The following ADD1 variants were observed in gnomAD, a reference collection of about 807,000 sequenced individuals.
The protein encoded by ADD1 is adducin 1.
ADD1 carries 24 observed loss-of-function variants against 80.5 expected under a neutral mutation model. That is an observed-to-expected ratio of 0.30 (90% CI 0.22 to 0.42). The LOEUF (loss-of-function observed/expected upper bound fraction) is 0.42. Among genes scored for constraint, ADD1 ranks in the 10% least tolerant of loss-of-function variants. ADD1 has a pLI of 1.00. For missense variants in ADD1, 948 were observed against 1,019.0 expected, an observed-to-expected ratio of 0.93 and a Z score of 0.95; for synonymous variants, 373 against 393.8, an observed-to-expected ratio of 0.95 and a Z score of 0.63.
At chr4:2,851,005 C>T (rs944467816) in intron 1 of ADD1, among the ~76,000 whole-genome samples, 26 of 152,124 alleles carry the variant, frequency 1.7e-4, no homozygotes, top group African/African-American at 5.6e-4. Flanking sequence ...AATGTTATAA[C>T]GTTAGATTGT....
chr4:2,918,442 A>C (rs971553444), intron 14 of ADD1, among the ~76,000 whole-genome samples: 6 of 152,206 alleles, frequency 3.9e-5, no homozygotes, highest in African/African-American at 1.4e-4. Context: ...CCAAATATAC[A>C]ATCATGTCAT....
intron 1 of ADD1, among the ~76,000 whole-genome samples, chr4:2,863,012 C>T (rs538725318): frequency 1.3e-5 from 2 of 152,192 alleles, no homozygotes; most frequent in East Asian, 3.9e-4. Flanking sequence ...ATAGAGACTT[C>T]TGGAGTGTGG....
chr4:2,904,883 G>A lies in ADD1; in HGVS notation c.1281G>A (p.Ser427=), dbSNP rs367978307. The A allele has an allele frequency of 1.9e-5, 31 of 1,614,030 alleles. No individual in the cohort carries two copies. Among genetic ancestry groups the A allele is most frequent in the Non-Finnish European group, 2.5e-5 (29 of 1,180,030 alleles). The part of the protein sequence containing the change: ...TGYSFASDGD[S]GTCSPLRHSF... ...ACTCCTTTGCTAGTGACGGTGATTC[G>A]GGCACTTGCTCCCCACTCAGACACA... Residue 427 remains serine, a synonymous_variant, in exon 10 of 16, where the codon TCG becomes TCA. Transcript: ENST00000683351.
In ADD1 at chr4:2,875,875, TC is replaced by T. The variant is rs773057587; in HGVS notation, c.-20-20del. ...AGACATTGATTTGAAAACAATAATT[TC>T]TTTTATTTTGATTCTGTAGGAACCT... On this transcript the variant is annotated intron_variant, in intron 1 of 15. Coordinates refer to ENST00000683351, the MANE Select transcript of ADD1 (RefSeq NM_001354761.2). 3.0e-5 allele frequency: 45 copies of T among 1,516,828 alleles called. No individual in the cohort carries two copies. The highest frequency in any genetic ancestry group is 4.0e-5 in the Non-Finnish European group (45 of 1,128,714). The allele number at this position is 1,516,828 out of a possible 1,614,324, so 94.0% of individuals were successfully genotyped here.
chr4:2,907,911 G>T (rs1015606300), intron 11 of ADD1, 67 bp downstream of exon 11: 13 of 1,318,482 alleles, frequency 9.9e-6, no homozygotes, highest in African/African-American at 1.4e-5. Context: ...AGCTGCTTTG[G>T]GGGGAGCGGG....
At chr4:2,908,472 C>G in intron 11 of ADD1, 43 bp from the exon 12 acceptor site, 4 of 1,565,902 alleles carry the variant, frequency 2.6e-6, no homozygotes, top group Non-Finnish European at 3.5e-6. Context: ...GGCAGCATGG[C>G]TGCTCAGGAC....
chr4:2,857,563 G>C (rs544339555), intron 1 of ADD1, among the ~76,000 whole-genome samples: 5 of 152,282 alleles, frequency 3.3e-5, no homozygotes, highest in African/African-American at 1.2e-4. Flanking sequence ...AGCTGAGATT[G>C]TGCCACTGCA....
chr4:2,928,166 A>G lies in ADD1; in HGVS notation c.2048-5A>G, dbSNP rs1260410728. On this transcript the variant is annotated splice_polypyrimidine_tract_variant and splice_region_variant and intron_variant, in intron 15 of 15. Transcript: ENST00000683351. Reference sequence around the variant, plus strand: ...CTTAATCCCATCTCTCACCTCACCCACTAGACCTTGTGCCGGAGCCGACTA... The same window carrying G: ...CTTAATCCCATCTCTCACCTCACCCGCTAGACCTTGTGCCGGAGCCGACTA... 3 of 1,613,786 alleles carry G rather than the reference A, an allele frequency of 1.9e-6. No individual in the cohort carries two copies. The highest frequency in any genetic ancestry group is 2.5e-6 in the Non-Finnish European group (3 of 1,179,858).
chr4:2,928,079 T>A, intron 15 of ADD1, 92 bp from the exon 16 acceptor site: 1 of 1,099,412 alleles, frequency 9.1e-7, no homozygotes, highest in South Asian at 1.4e-5. Flanking sequence ...TAAAATAAAA[T>A]GGCAGTTTCG....
At chr4:2,899,607 A>C in intron 9 of ADD1, 172 bp downstream of exon 9, 1 of 735,086 alleles carries the variant, frequency 1.4e-6, no homozygotes, top group Non-Finnish European at 2.3e-6. Context: ...TTACAATAAA[A>C]TGTAGAGGTG....
In ADD1 at chr4:2,879,789, G is replaced by A. The variant is rs531288203; in HGVS notation, c.196-2109G>A. Reference sequence around the variant, plus strand: ...AAGCGTGCACCACCATACCCAGCTCGCTGCAACCTCCTCCTACTGGCTTCA... The same window carrying A: ...AAGCGTGCACCACCATACCCAGCTCACTGCAACCTCCTCCTACTGGCTTCA... On this transcript the variant is annotated intron_variant, in intron 2 of 15. Coordinates refer to ENST00000683351, the MANE Select transcript of ADD1 (RefSeq NM_001354761.2). Among the ~76,000 whole-genome samples the A allele has an allele frequency of 2.4e-4, 36 of 151,942 alleles. No individual in the cohort carries two copies. The South Asian group carries it at 3.1e-3, about 13-fold the overall frequency.
Position 2,926,319 on chromosome 4 carries a change from A to G in ADD1, c.2047+207A>G. The G allele has an allele frequency of 1.4e-6, 1 of 714,226 alleles. No homozygotes were observed. Among genetic ancestry groups the G allele is most frequent in the East Asian group, 2.7e-5 (1 of 37,058 alleles). The allele number at this position is 714,226 out of a possible 1,614,324, so 44.2% of individuals were successfully genotyped here. On this transcript the variant is annotated intron_variant, in intron 15 of 15. Coordinates refer to ENST00000683351, the MANE Select transcript of ADD1 (RefSeq NM_001354761.2). The surrounding 1 kb of genome is among the most constrained non-coding windows in gnomAD (Gnocchi z 5.0). Reference sequence around the variant, plus strand: ...ATTTGTATGTGAGCTGTGACCAGGTAGGAAGGCCGGCCTCGGGGGTCGGAA... The same window carrying G: ...ATTTGTATGTGAGCTGTGACCAGGTGGGAAGGCCGGCCTCGGGGGTCGGAA...
At chr4:2,851,353 A>G (rs953475451) in intron 1 of ADD1, among the ~76,000 whole-genome samples, 2 of 152,234 alleles carry the variant, frequency 1.3e-5, no homozygotes, top group African/African-American at 4.8e-5. Flanking sequence ...AGGCTGTGGT[A>G]AGCAAACTTA....
intron 14 of ADD1, among the ~76,000 whole-genome samples, chr4:2,923,471 C>T (rs1449111112): frequency 6.6e-6 from 1 of 152,266 alleles, no homozygotes; most frequent in Non-Finnish European, 1.5e-5. Context: ...GCTGCACCCA[C>T]TGTCTAACCA....
intron 1 of ADD1, among the ~76,000 whole-genome samples, chr4:2,851,629 A>G (rs865868105): frequency 6.6e-6 from 1 of 152,248 alleles, no homozygotes; most frequent in Non-Finnish European, 1.5e-5. Flanking sequence ...TTAAAAGGCC[A>G]ACCTTGTTGC....
intron 1 of ADD1, chr4:2,853,214 T>C (rs964651125): frequency 1.3e-5 from 2 of 150,886 alleles, no homozygotes; most frequent in Non-Finnish European, 2.9e-5. Context: ...GTTCAAGCAA[T>C]TCTCCCACCT....
rs144065803 is a variant in ADD1, at chr4:2,910,329, C to G, written c.1791+898C>G. Reference sequence around the variant, plus strand: ...TGGTGTTCCAGTTCCCACATAGAAGCAGGTTTATAGCAAAGATTCTGTATT... The same window carrying G: ...TGGTGTTCCAGTTCCCACATAGAAGGAGGTTTATAGCAAAGATTCTGTATT... On this transcript the variant is annotated intron_variant, in intron 13 of 15. Transcript: ENST00000683351. Among the ~76,000 whole-genome samples, 1,032 of 152,020 alleles carry G rather than the reference C, an allele frequency of 6.8e-3. 7 individuals are homozygous for G. Among genetic ancestry groups the G allele is most frequent in the African/African-American group, 0.022 (924 of 41,452 alleles).
At chr4:2,909,537 T>A (rs1737661231) in intron 13 of ADD1, 106 bp downstream of exon 13, 1 of 782,514 alleles carries the variant, frequency 1.3e-6, no homozygotes, top group African/African-American at 1.8e-5. Flanking sequence ...TGAAGTAGCT[T>A]CAAATGGATC....
chr4:2,913,722 T>A (rs1242075135), intron 13 of ADD1, among the ~76,000 whole-genome samples: 2 of 151,830 alleles, frequency 1.3e-5, no homozygotes, highest in Non-Finnish European at 2.9e-5. Context: ...GTGAGTTGAA[T>A]TTCCCGAGTC....
Sources: gnomAD v4.1 joint callset for allele counts (sites outside exome capture counted in the v4.1 genomes callset) on GRCh38, gnomAD v4.1.1 for gene constraint, Gnocchi (gnomAD v3.1) non-coding constraint, MANE v1.5 for transcripts, NCBI Gene and HGNC (gene_info 2026-07-23, HGNC 2026-07-21) for gene names.